Variants in NAALADL2 observed in about 807,000 individuals in gnomAD.
The protein encoded by NAALADL2 is inactive N-acetylated-alpha-linked acidic dipeptidase-like protein 2.
In NAALADL2, 76 loss-of-function variants were observed where a neutral mutation model predicts 87.2. The observed-to-expected ratio is 0.87, with a 90% CI of 0.72 to 1.05. NAALADL2 has a LOEUF of 1.05. Among genes scored for constraint, NAALADL2 ranks in the 50% least tolerant of loss-of-function variants. NAALADL2 has a pLI of 0.00. For synonymous variants in NAALADL2, 354 were observed against 331.0 expected (o/e 1.07, Z -0.75); for missense variants, 1,089 against 945.8 (o/e 1.15, Z -1.99).
intron 1 of NAALADL2, among the ~76,000 whole-genome samples, chr3:174,908,982 G>C (rs948693741): frequency 6.6e-6 from 1 of 150,818 alleles, no homozygotes; most frequent in African/African-American, 2.5e-5. Context: ...TTAGACTTAA[G>C]GCATGTCCTT....
chr3:175,225,012 AGT>A (rs1479832278), intron 2 of NAALADL2, among the ~76,000 whole-genome samples: 1 of 152,140 alleles, frequency 6.6e-6, no homozygotes, highest in Non-Finnish European at 1.5e-5. Context: ...AGATGATTTC[AGT>A]GTTTGGTGCT....
intron 2 of NAALADL2, among the ~76,000 whole-genome samples, chr3:175,227,066 A>C (rs569693607): frequency 5.3e-5 from 8 of 152,126 alleles, no homozygotes; most frequent in Admixed American, 4.6e-4. Flanking sequence ...TGTTATTGTA[A>C]ATACACATAA....
chr3:175,214,116 T>C (rs1289399916), intron 2 of NAALADL2, among the ~76,000 whole-genome samples: 1 of 152,180 alleles, frequency 6.6e-6, no homozygotes, highest in Non-Finnish European at 1.5e-5. Context: ...TTGAAACAAA[T>C]GAAGATATTT....
intron 2 of NAALADL2, among the ~76,000 whole-genome samples, chr3:174,702,368 T>C (rs9816890): frequency 0.37 from 55,870 of 151,666 alleles, 10,628 homozygotes; most frequent in South Asian, 0.46. Flanking sequence ...TTAATCTATC[T>C]GTCAATTAAC....
At chr3:174,494,172 T>C (rs1223947773) in intron 1 of NAALADL2, among the ~76,000 whole-genome samples, 3 of 152,038 alleles carry the variant, frequency 2.0e-5, no homozygotes, top group Non-Finnish European at 2.9e-5. Context: ...AAGGAGCCTG[T>C]TGGGAAATGT....
chr3:174,510,808 GT>G (rs66735409), intron 1 of NAALADL2, among the ~76,000 whole-genome samples: 41,094 of 151,030 alleles, frequency 0.27, 5,978 homozygotes, highest in South Asian at 0.37. Context: ...TGATTTAAGA[GT>G]TTTTTTTCTT....
chr3:175,315,280 T>G (rs764495939), intron 4 of NAALADL2, among the ~76,000 whole-genome samples: 10 of 152,140 alleles, frequency 6.6e-5, no homozygotes, highest in Non-Finnish European at 1.2e-4. Context: ...AAGGATTACA[T>G]TGAGTTAAGC....
rs114707306 is a variant in NAALADL2 at position 174,949,800 on chromosome 3, T to A, written c.43+90350T>A. Among the ~76,000 whole-genome samples, 1,412 of 152,340 alleles carry A rather than the reference T, an allele frequency of 9.3e-3. 14 individuals carry two copies. The highest frequency in any genetic ancestry group is 0.034 in the Middle Eastern group (10 of 294). ...GCTAAACATTCAACAACAGAATATGTCTTCACTGCTATTCGGAAGAAGAAG... is the reference window on the plus strand; with the variant it reads ...GCTAAACATTCAACAACAGAATATGACTTCACTGCTATTCGGAAGAAGAAG... On this transcript the variant is annotated intron_variant, in intron 1 of 13. Coordinates refer to ENST00000454872, the MANE Select transcript of NAALADL2 (RefSeq NM_207015.3).
intron 3 of NAALADL2, among the ~76,000 whole-genome samples, chr3:174,744,980 C>T (rs540227369): frequency 5.1e-4 from 78 of 152,012 alleles, no homozygotes; most frequent in African/African-American, 1.7e-3. Context: ...CACTAAATGC[C>T]CACATCAGAA....
At chr3:174,978,641 G>A (rs1468605602) in intron 1 of NAALADL2, among the ~76,000 whole-genome samples, 1 of 152,064 alleles carries the variant, frequency 6.6e-6, no homozygotes. Flanking sequence ...ATTCATTATC[G>A]TGAAAAACTT....
chr3:175,472,258 C>A (rs1305689045), intron 9 of NAALADL2, among the ~76,000 whole-genome samples: 1 of 151,564 alleles, frequency 6.6e-6, no homozygotes, highest in Non-Finnish European at 1.5e-5. Context: ...AAAAAGAAAA[C>A]ATGTTTTCTT....
At chr3:175,233,266 A>G (rs891749837) in intron 2 of NAALADL2, among the ~76,000 whole-genome samples, 2 of 152,174 alleles carry the variant, frequency 1.3e-5, no homozygotes, top group Non-Finnish European at 1.5e-5. Context: ...CCTTAACTAT[A>G]ACAAAGAAAT....
intron 1 of NAALADL2, among the ~76,000 whole-genome samples, chr3:174,956,761 C>CT (rs1463159437): frequency 6.6e-6 from 1 of 151,928 alleles, no homozygotes; most frequent in Admixed American, 6.6e-5. Context: ...AGTGGAGGTC[C>CT]TTTTGCACTG....
intron 1 of NAALADL2, among the ~76,000 whole-genome samples, chr3:175,002,135 G>T (rs1256852394): frequency 6.6e-6 from 1 of 152,078 alleles, no homozygotes; most frequent in Non-Finnish European, 1.5e-5. Context: ...AAAAATTTAG[G>T]TACTTTTTTT....
At chr3:175,150,748 G>T (rs1426514331) in intron 2 of NAALADL2, among the ~76,000 whole-genome samples, 7 of 152,064 alleles carry the variant, frequency 4.6e-5, no homozygotes, top group Admixed American at 4.6e-4. Context: ...TGAATACAAA[G>T]CTACCATTCA....
intron 3 of NAALADL2, among the ~76,000 whole-genome samples, chr3:174,742,676 TAGG>T (rs781072306): frequency 1.3e-5 from 2 of 151,600 alleles, no homozygotes; most frequent in African/African-American, 4.8e-5. Flanking sequence ...CTACTAGTAA[TAGG>T]AGGATTAAAC....
intron 11 of NAALADL2, among the ~76,000 whole-genome samples, chr3:175,697,480 G>A (rs538733665): frequency 9.9e-5 from 15 of 151,360 alleles, no homozygotes; most frequent in Non-Finnish European, 1.8e-4. Flanking sequence ...TTTAGGTGTA[G>A]TAGTTGAGTT....
At chr3:175,164,928 C>T (rs1344360639) in intron 2 of NAALADL2, among the ~76,000 whole-genome samples, 1 of 152,092 alleles carries the variant, frequency 6.6e-6, no homozygotes, top group Non-Finnish European at 1.5e-5. Flanking sequence ...TGGAGAAAGG[C>T]AAATGGATGC....
chr3:175,665,436 G>T (rs1159463011), intron 11 of NAALADL2, among the ~76,000 whole-genome samples: 1 of 152,142 alleles, frequency 6.6e-6, no homozygotes, highest in Non-Finnish European at 1.5e-5. Context: ...TTACTTGAGA[G>T]AACCACAGAC....
Sources: allele counts gnomAD v4.1 joint callset (sites outside exome capture counted in the v4.1 genomes callset), GRCh38; gene constraint gnomAD v4.1.1; transcripts MANE v1.5; gene names NCBI Gene and HGNC (gene_info 2026-07-23, HGNC 2026-07-21).